Variants in GMDS observed in about 807,000 individuals in gnomAD.
GMDS encodes the protein GDP-mannose 4,6 dehydratase.
In GMDS, 20 loss-of-function variants were observed where a neutral mutation model predicts 49.9. The ratio of observed to expected loss-of-function variants is 0.40; its 90% CI spans 0.28 to 0.58. The LOEUF is 0.58. Among genes scored for constraint, GMDS ranks in the 20% least tolerant of loss-of-function variants. The probability of loss-of-function intolerance (pLI) is 0.42; values close to 1 mark genes in which losing one functional copy is unlikely to be tolerated. For missense variants in GMDS, 362 were observed against 481.4 expected, an observed-to-expected ratio of 0.75 and a Z score of 2.32; for synonymous variants, 177 against 178.6, an observed-to-expected ratio of 0.99 and a Z score of 0.07.
intron 1 of GMDS, among the ~76,000 whole-genome samples, chr6:2,225,556 C>G (rs1433175278): frequency 6.6e-6 from 1 of 152,178 alleles, no homozygotes; most frequent in Non-Finnish European, 1.5e-5. Flanking sequence ...CTGTTCTATG[C>G]AAATGACGAA....
intron 4 of GMDS, among the ~76,000 whole-genome samples, chr6:2,065,264 C>T (rs991037815): frequency 6.6e-6 from 1 of 152,132 alleles, no homozygotes; most frequent in East Asian, 1.9e-4. Flanking sequence ...ACACCAAAAA[C>T]CCATCTGTAC....
intron 4 of GMDS, among the ~76,000 whole-genome samples, chr6:2,050,835 A>G (rs610570): frequency 0.43 from 64,972 of 151,972 alleles, 14,024 homozygotes; most frequent in Middle Eastern, 0.49. Context: ...ACATCCCTTC[A>G]TCCTAAAAAC....
intron 7 of GMDS, among the ~76,000 whole-genome samples, chr6:1,914,358 A>T (rs983329873): frequency 1.3e-5 from 2 of 151,278 alleles, no homozygotes; most frequent in Admixed American, 6.6e-5. Context: ...TGGGAGGCGT[A>T]GAATCCTCCA....
intron 9 of GMDS, 183 bp from the exon 10 acceptor site, chr6:1,624,723 GCGGT>G (rs1312971439): frequency 1.6e-6 from 1 of 606,132 alleles, no homozygotes; most frequent in East Asian, 2.8e-5. Context: ...TCACTAGGTC[GCGGT>G]TAAGAATGTG....
At chr6:1,685,261 T>C (rs2113320152) in intron 9 of GMDS, among the ~76,000 whole-genome samples, 1 of 152,020 alleles carries the variant, frequency 6.6e-6, no homozygotes, top group East Asian at 1.9e-4. Flanking sequence ...ATTAGCCCAG[T>C]GTGGTGGTAC....
rs112389175 is a variant in GMDS, at chr6:2,095,657, T to C, written c.345+20114A>G. On this transcript the variant is annotated intron_variant, in intron 4 of 10. Transcript: ENST00000380815. ...TACAGAGTGTTTCTTGCAAATGTGA[T>C]GTAGATTTCATAGACAGAGCACTTT... 4.7e-3 allele frequency among the ~76,000 whole-genome samples: 713 copies of C among 152,252 alleles called. 5 individuals carry two copies. The highest frequency in any genetic ancestry group is 0.015 in the African/African-American group (609 of 41,560).
intron 7 of GMDS, among the ~76,000 whole-genome samples, chr6:1,842,435 G>A (rs1757189273): frequency 6.6e-6 from 1 of 152,208 alleles, no homozygotes; most frequent in African/African-American, 2.4e-5. Flanking sequence ...GGGAGAGGAG[G>A]CCTGCTGAGG....
chr6:1,868,354 A>C (rs1758543992), intron 7 of GMDS, among the ~76,000 whole-genome samples: 1 of 152,190 alleles, frequency 6.6e-6, no homozygotes, highest in Non-Finnish European at 1.5e-5. Flanking sequence ...GTGTCTAATC[A>C]GGTAACCTGG....
At chr6:2,027,796 TA>T (rs1375734778) in intron 4 of GMDS, among the ~76,000 whole-genome samples, 1 of 152,144 alleles carries the variant, frequency 6.6e-6, no homozygotes, top group East Asian at 1.9e-4. Context: ...TAACGGAAAG[TA>T]AAAACTTCAC....
At position 1,672,173 on chromosome 6, in the gene GMDS, G is replaced by A. The variant is rs183075494; in HGVS notation, c.988-47633C>T. Among the ~76,000 whole-genome samples, 65 of 152,294 alleles carry A rather than the reference G, an allele frequency of 4.3e-4. 1 individual carries two copies. The highest frequency in any genetic ancestry group is 6.8e-4 in the Non-Finnish European group (46 of 68,024). On this transcript the variant is annotated intron_variant, in intron 9 of 10. Coordinates refer to ENST00000380815, the MANE Select transcript of GMDS (RefSeq NM_001500.4). ...ATTTGGGTCTGGCTTCAGAGACGACGACTGTGGAGCATTTGAGACGTCTGA... is the reference window on the plus strand; with the variant it reads ...ATTTGGGTCTGGCTTCAGAGACGACAACTGTGGAGCATTTGAGACGTCTGA...
intron 1 of GMDS, among the ~76,000 whole-genome samples, chr6:2,237,965 T>G (rs2127599700): frequency 6.6e-6 from 1 of 152,308 alleles, no homozygotes; most frequent in South Asian, 2.1e-4. Flanking sequence ...TCATGCCTTC[T>G]AAGTAAGAGC....
chr6:2,122,652 G>A (rs895341281), intron 2 of GMDS, among the ~76,000 whole-genome samples: 1 of 152,136 alleles, frequency 6.6e-6, no homozygotes, highest in Non-Finnish European at 1.5e-5. Context: ...GTTTATTCTC[G>A]AATTATACGA....
intron 7 of GMDS, among the ~76,000 whole-genome samples, chr6:1,916,567 GAGAA>G (rs908574541): frequency 2.0e-5 from 3 of 152,004 alleles, no homozygotes; most frequent in Non-Finnish European, 2.9e-5. Context: ...AAGGGAGGGA[GAGAA>G]AGAGAGAGAG....
In GMDS at chr6:2,245,505, C is replaced by A; in HGVS notation, c.-83G>T. The A allele has an allele frequency of 2.9e-6, 2 of 687,598 alleles. No homozygotes were observed. The highest frequency in any genetic ancestry group is 2.1e-6 in the Non-Finnish European group (1 of 470,324). 42.6% of individuals were successfully genotyped at this position (687,598 alleles called of 1,614,324 possible). A position where few individuals can be genotyped will look rare whatever the true frequency, so the allele number is the denominator to read the frequency against. On this transcript the variant is annotated 5_prime_UTR_variant, in exon 1 of 11. Transcript: ENST00000380815. Reference sequence around the variant, plus strand: ...GTGCCGGCAGGAACGCGGGGGTGTGCAGCACGAAGCGCCTCTCCAGGCTGC... The same window carrying A: ...GTGCCGGCAGGAACGCGGGGGTGTGAAGCACGAAGCGCCTCTCCAGGCTGC...
chr6:2,131,614 C>T (rs542845783), intron 1 of GMDS, among the ~76,000 whole-genome samples: 5 of 152,200 alleles, frequency 3.3e-5, no homozygotes, highest in South Asian at 4.1e-4. Flanking sequence ...TTTCAACATA[C>T]GAAGGATTTA....
intron 9 of GMDS, among the ~76,000 whole-genome samples, chr6:1,685,222 C>A (rs1183975560): frequency 1.5e-3 from 4 of 2,604 alleles, no homozygotes; most frequent in Non-Finnish European, 3.2e-3. Context: ...CATGGTGAGA[C>A]CCCCGTCTCT....
intron 6 of GMDS, among the ~76,000 whole-genome samples, chr6:1,938,534 C>T (rs763713731): frequency 2.0e-5 from 3 of 152,132 alleles, no homozygotes; most frequent in Non-Finnish European, 4.4e-5. Context: ...AGTGTGTTTC[C>T]GGTCTAATTG....
chr6:1,896,339 GT>G (rs1760184792), intron 7 of GMDS, among the ~76,000 whole-genome samples: 1 of 152,178 alleles, frequency 6.6e-6, no homozygotes, highest in South Asian at 2.1e-4. Context: ...TTTGGGACAT[GT>G]TTGTTTATTT....
At chr6:2,075,518 G>T (rs1772282822) in intron 4 of GMDS, among the ~76,000 whole-genome samples, 1 of 152,118 alleles carries the variant, frequency 6.6e-6, no homozygotes, top group African/African-American at 2.4e-5. Context: ...TTTGGTTTTT[G>T]TCCTTGCGAA....
Sources: allele counts gnomAD v4.1 joint callset (sites outside exome capture counted in the v4.1 genomes callset), GRCh38; gene constraint gnomAD v4.1.1; transcripts MANE v1.5; gene names NCBI Gene and HGNC (gene_info 2026-07-23, HGNC 2026-07-21).